PAK6: variants seen among roughly 807,000 people sequenced by gnomAD.
PAK6 encodes the protein serine/threonine-protein kinase PAK 6.
Under a neutral mutation model 60.8 loss-of-function variants are expected in PAK6, and 33 were observed. The observed-to-expected ratio is 0.54, with a 90% CI of 0.41 to 0.73. The LOEUF is 0.73. Among genes scored for constraint, PAK6 ranks in the 30% least tolerant of loss-of-function variants. The pLI is 0.00. For missense variants in PAK6, 845 were observed against 904.1 expected, an observed-to-expected ratio of 0.93 and a Z score of 0.84; for synonymous variants, 404 against 378.5, an observed-to-expected ratio of 1.07 and a Z score of -0.78.
chr15:40,240,982 C>T (rs1001989950), intron 2 of PAK6, among the ~76,000 whole-genome samples: 2 of 152,236 alleles, frequency 1.3e-5, no homozygotes, highest in Non-Finnish European at 2.9e-5. Context: ...GCCCCTCTCA[C>T]TTTACCACCT....
chr15:40,239,370 T>G (rs1311628514), upstream of PAK6: 2 of 152,412 alleles, frequency 1.3e-5, no homozygotes, highest in African/African-American at 4.8e-5. Context: ...CCACTAGCAC[T>G]GAGTCACCGC....
intron 3 of PAK6, among the ~76,000 whole-genome samples, chr15:40,253,607 G>A (rs1208875363): frequency 6.6e-6 from 1 of 152,242 alleles, no homozygotes; most frequent in Non-Finnish European, 1.5e-5. Flanking sequence ...AGAGTGCAGG[G>A]AATTCATGCC....
At chr15:40,275,885 G>A (rs2039442013) in intron 10 of PAK6, 42 bp from the exon 11 acceptor site, 6 of 1,573,228 alleles carry the variant, frequency 3.8e-6, no homozygotes, top group South Asian at 2.2e-5. Context: ...ACCCCGAAGT[G>A]ACTGCAAATT....
chr15:40,249,895 T>C (rs2038615122), intron 2 of PAK6, among the ~76,000 whole-genome samples: 1 of 152,234 alleles, frequency 6.6e-6, no homozygotes. Context: ...CCAAGAGCCA[T>C]GTCCCCCTGT....
chr15:40,246,106 G>A (rs936506724), intron 2 of PAK6: 1 of 152,370 alleles, frequency 6.6e-6, no homozygotes, highest in Non-Finnish European at 1.5e-5. Context: ...CTGTTGAAGA[G>A]ATCTAACTAA....
chr15:40,274,267 C>T (rs760665310), exon 10 of PAK6: 21 of 1,607,106 alleles, frequency 1.3e-5, no homozygotes, highest in Non-Finnish European at 1.7e-5. Context: ...AGCTGAAAAA[C>T]TCTCACAAGG....
intron 2 of PAK6, among the ~76,000 whole-genome samples, chr15:40,249,186 C>G (rs1403922466): frequency 6.6e-6 from 1 of 152,136 alleles, no homozygotes; most frequent in Non-Finnish European, 1.5e-5. Flanking sequence ...AGGCATGAAT[C>G]CCATTCATGA....
exon 11 of PAK6, chr15:40,276,073 A>C: frequency 6.2e-7 from 1 of 1,613,642 alleles, no homozygotes; most frequent in Non-Finnish European, 8.5e-7. Context: ...AGCTCTACCG[A>C]AAGCAGACCT....
At chr15:40,249,551 G>A (rs2038602760) in intron 2 of PAK6, among the ~76,000 whole-genome samples, 9 of 152,218 alleles carry the variant, frequency 5.9e-5, no homozygotes, top group Admixed American at 4.6e-4. Flanking sequence ...ATTATTAGGG[G>A]AGGGCTGAGT....
At chr15:40,255,218 T>C (rs911376486) in intron 3 of PAK6, among the ~76,000 whole-genome samples, 13 of 152,074 alleles carry the variant, frequency 8.5e-5, no homozygotes, top group Admixed American at 7.9e-4. Flanking sequence ...CCGGGCGCGG[T>C]GGCTCACGCC....
chr15:40,247,364 G>A (rs1393577398), intron 2 of PAK6: 2 of 152,230 alleles, frequency 1.3e-5, no homozygotes, highest in Admixed American at 6.5e-5. Context: ...AATCCATCAC[G>A]TCTCTAAAAT....
At chr15:40,274,245 G>A in exon 10 of PAK6, 1 of 1,611,458 alleles carries the variant, frequency 6.2e-7, no homozygotes, top group African/African-American at 1.3e-5. Flanking sequence ...CTCCGGGACA[G>A]CCCCCCACCC....
At chr15:40,243,230 G>A (rs1595562066) in intron 2 of PAK6, among the ~76,000 whole-genome samples, 4 of 152,326 alleles carry the variant, frequency 2.6e-5, no homozygotes. Context: ...AAAGGAAGAA[G>A]CAGCTTCTAT....
intron 3 of PAK6, among the ~76,000 whole-genome samples, chr15:40,253,690 G>C (rs570679946): frequency 6.6e-6 from 1 of 152,220 alleles, no homozygotes; most frequent in Non-Finnish European, 1.5e-5. Context: ...GGAGGCAGCC[G>C]TGGGAGACTC....
chr15:40,263,536 G>T (rs1443450677), intron 3 of PAK6, among the ~76,000 whole-genome samples: 2 of 152,170 alleles, frequency 1.3e-5, no homozygotes, highest in East Asian at 1.9e-4. Context: ...TGTCACTTCT[G>T]TGTATGCAGC....
At chr15:40,252,878 G>C (rs1189633818) in intron 2 of PAK6, 2 of 1,240,022 alleles carry the variant, frequency 1.6e-6, no homozygotes, top group Non-Finnish European at 2.1e-6. Flanking sequence ...CGCCCGCCCG[G>C]CGCGGGGCAT....
intron 3 of PAK6, among the ~76,000 whole-genome samples, chr15:40,254,841 T>C (rs569767010): frequency 1.1e-4 from 16 of 152,340 alleles, no homozygotes; most frequent in African/African-American, 3.8e-4. Flanking sequence ...AAAAAGCACC[T>C]AGCACAGTCT....
chr15:40,254,054 C>A (rs985517357), intron 3 of PAK6, among the ~76,000 whole-genome samples: 1 of 152,174 alleles, frequency 6.6e-6, no homozygotes, highest in African/African-American at 2.4e-5. Flanking sequence ...GCCATGAATT[C>A]TCCTCCATAG....
exon 8 of PAK6, chr15:40,273,458 A>C (rs1443856744): frequency 1.9e-6 from 3 of 1,613,288 alleles, no homozygotes; most frequent in Non-Finnish European, 1.7e-6. Context: ...CATCCTGCTG[A>C]CCCTCGATGG....
Sources: allele counts gnomAD v4.1 joint callset (sites outside exome capture counted in the v4.1 genomes callset), GRCh38; gene constraint gnomAD v4.1.1; transcripts MANE v1.5; gene names NCBI Gene and HGNC (gene_info 2026-07-23, HGNC 2026-07-21).